CARMIL1: variants seen among roughly 807,000 people sequenced by gnomAD.
The protein encoded by CARMIL1 is capping protein regulator and myosin 1 linker 1.
Under a neutral mutation model 177.1 loss-of-function variants are expected in CARMIL1, and 90 were observed. The observed-to-expected ratio is 0.51, with a 90% confidence interval of 0.43 to 0.61. The LOEUF is 0.61. Ranked by LOEUF, CARMIL1 falls within the 20% of genes least tolerant of loss-of-function variation. The probability of loss-of-function intolerance (pLI) is 0.00; values close to 1 mark genes in which losing one functional copy is unlikely to be tolerated. For missense variants in CARMIL1, 1,380 were observed against 1,667.0 expected, an observed-to-expected ratio of 0.83 and a Z score of 3.00; for synonymous variants, 577 against 606.2, an observed-to-expected ratio of 0.95 and a Z score of 0.71.
chr6:25,454,275 A>G (rs538171958), intron 8 of CARMIL1, among the ~76,000 whole-genome samples: 26 of 152,324 alleles, frequency 1.7e-4, no homozygotes, highest in African/African-American at 6.3e-4. Context: ...CAAGGACCAG[A>G]TAGTAAATAT....
At chr6:25,458,342 G>T (rs982106264) in intron 8 of CARMIL1, among the ~76,000 whole-genome samples, 4 of 152,032 alleles carry the variant, frequency 2.6e-5, no homozygotes, top group African/African-American at 9.7e-5. Context: ...CAAAAAATTA[G>T]CTGGGCGTGG....
intron 2 of CARMIL1, among the ~76,000 whole-genome samples, chr6:25,308,525 G>A (rs546538391): frequency 6.3e-4 from 96 of 152,148 alleles, no homozygotes; most frequent in African/African-American, 2.2e-3. Context: ...GGGACTACAG[G>A]CGCGTGCCAC....
intron 29 of CARMIL1, among the ~76,000 whole-genome samples, chr6:25,571,921 G>A (rs1812100994): frequency 6.6e-6 from 1 of 152,160 alleles, no homozygotes; most frequent in Non-Finnish European, 1.5e-5. Context: ...AGAGCCTGAA[G>A]AGACATTACC....
chr6:25,536,330 A>G (rs1213598239), intron 24 of CARMIL1, among the ~76,000 whole-genome samples: 1 of 152,200 alleles, frequency 6.6e-6, no homozygotes, highest in Admixed American at 6.5e-5. Context: ...GTGTAAATGC[A>G]GAAAGATATG....
chr6:25,452,000 CCCCCA>C, intron 8 of CARMIL1: 3 of 184,936 alleles, frequency 1.6e-5, no homozygotes, highest in Non-Finnish European at 2.2e-5. Context: ...CCCCCTCCCC[CCCCCA>C]GAATACTGTT....
intron 2 of CARMIL1, among the ~76,000 whole-genome samples, chr6:25,319,325 T>C (rs1784510048): frequency 6.6e-6 from 1 of 152,074 alleles, no homozygotes; most frequent in African/African-American, 2.4e-5. Context: ...TTGAGACTTA[T>C]TTAGTAATAA....
intron 36 of CARMIL1, 137 bp from the exon 37 acceptor site, chr6:25,619,310 A>C (rs1759543039): frequency 1.4e-6 from 1 of 704,062 alleles, no homozygotes; most frequent in African/African-American, 1.8e-5. Flanking sequence ...CATAATAGCA[A>C]GTTTGTTTCT....
intron 31 of CARMIL1, among the ~76,000 whole-genome samples, chr6:25,593,656 G>A (rs1463943563): frequency 6.6e-6 from 1 of 152,198 alleles, no homozygotes. Context: ...CTTTGTTATT[G>A]TCAACCAGCG....
Position 25,515,777 on chromosome 6 carries a change from A to G in CARMIL1, c.1735A>G (p.Ser579Gly). The G allele has an allele frequency of 6.2e-7, 1 of 1,612,132 alleles. No individual in the cohort carries two copies. Among genetic ancestry groups the G allele is most frequent in the Non-Finnish European group, 8.5e-7 (1 of 1,179,234 alleles). ...SNTSLTKVDI[S>G]GNGMGDMGAK... The stretch of plus-strand genomic sequence containing the variant: ...CACCTCCCTGACCAAAGTGGACATT[A>G]GCGGCAACGGAATGGGGGACATGGG... Residue 579 changes from serine to glycine, a missense_variant, in exon 21 of 37, where the codon AGC (serine) becomes GGC (glycine). By Grantham distance (56) the Ser-to-Gly change is moderately conservative. Transcript: ENST00000329474. The surrounding 1 kb of genome is among the most constrained non-coding windows in gnomAD (Gnocchi z 5.0).
chr6:25,521,489 G>A (rs1039081055), intron 23 of CARMIL1, among the ~76,000 whole-genome samples: 1 of 152,184 alleles, frequency 6.6e-6, no homozygotes, highest in Non-Finnish European at 1.5e-5. Context: ...AAAGAATGTG[G>A]ATGGGCGCGA....
intron 11 of CARMIL1, among the ~76,000 whole-genome samples, chr6:25,480,591 G>A (rs1801999684): frequency 6.7e-6 from 1 of 148,874 alleles, no homozygotes; most frequent in African/African-American, 2.5e-5. Context: ...AATCATCTTT[G>A]ACTTGTAATT....
chr6:25,606,393 G>A (rs1001628177), intron 35 of CARMIL1, 120 bp downstream of exon 35: 45 of 836,372 alleles, frequency 5.4e-5, no homozygotes, highest in Non-Finnish European at 7.9e-5. Context: ...GGCTTCTGCA[G>A]GAGGGGATCA....
At position 25,604,818 on chromosome 6, in the gene CARMIL1, G is replaced by T; in HGVS notation, c.3559G>T (p.Gly1187Trp). The T allele has an allele frequency of 6.3e-7, 1 of 1,587,986 alleles. No homozygotes were observed. The highest frequency in any genetic ancestry group is 2.3e-5 in the East Asian group (1 of 43,952). The part of the protein sequence containing the change: ...KRAACAQKKL[G>W]NDAVSQDSSS... ...TGGTGCTTGAATTTTTTAGAAGCTTGGGAATGATGCCGTATCCCAGGATTC... is the reference window on the plus strand; with the variant it reads ...TGGTGCTTGAATTTTTTAGAAGCTTTGGAATGATGCCGTATCCCAGGATTC... The change falls in exon 34 of 37, where the codon GGG (glycine) becomes TGG (tryptophan). Residue 1187 changes from glycine to tryptophan, a missense_variant. Gly to Trp is a radical substitution (Grantham distance 184). Coordinates refer to ENST00000329474, the MANE Select transcript of CARMIL1 (RefSeq NM_017640.6).
chr6:25,406,215 C>T (rs376987607), intron 2 of CARMIL1, among the ~76,000 whole-genome samples: 3 of 152,114 alleles, frequency 2.0e-5, no homozygotes, highest in African/African-American at 7.2e-5. Context: ...GTAGTCTGGA[C>T]TTTCTTAGGG....
chr6:25,566,698 C>T (rs929662292), intron 29 of CARMIL1, among the ~76,000 whole-genome samples: 2 of 152,142 alleles, frequency 1.3e-5, no homozygotes, highest in Non-Finnish European at 2.9e-5. Context: ...GTGCCTGGCA[C>T]AAAATTGCTA....
intron 2 of CARMIL1, among the ~76,000 whole-genome samples, chr6:25,375,290 G>T (rs760761697): frequency 6.6e-6 from 1 of 152,150 alleles, no homozygotes; most frequent in East Asian, 1.9e-4. Flanking sequence ...CAGTTATTCT[G>T]TTTGAAGAGG....
intron 8 of CARMIL1, chr6:25,452,403 G>A (rs539381278): frequency 1.2e-5 from 7 of 593,072 alleles, no homozygotes; most frequent in African/African-American, 9.3e-5. Flanking sequence ...AATTGCACGT[G>A]GAATAAGATA....
chr6:25,521,354 G>A (rs1806532331), intron 23 of CARMIL1, among the ~76,000 whole-genome samples: 1 of 149,318 alleles, frequency 6.7e-6, no homozygotes, highest in South Asian at 2.2e-4. Flanking sequence ...TTGGGGTGAG[G>A]TTTTAGCATT....
At chr6:25,477,144 G>A (rs1801654447) in intron 11 of CARMIL1, among the ~76,000 whole-genome samples, 1 of 151,476 alleles carries the variant, frequency 6.6e-6, no homozygotes, top group Non-Finnish European at 1.5e-5. Flanking sequence ...GGGAGATAAG[G>A]TCTTAACAGT....
Sources: gnomAD v4.1 joint callset for allele counts (sites outside exome capture counted in the v4.1 genomes callset) on GRCh38, gnomAD v4.1.1 for gene constraint, Gnocchi (gnomAD v3.1) non-coding constraint, MANE v1.5 for transcripts, NCBI Gene and HGNC (gene_info 2026-07-23, HGNC 2026-07-21) for gene names.